ZNF266: variants seen among roughly 807,000 people sequenced by gnomAD.
The protein encoded by ZNF266 is zinc finger protein 1.
A neutral mutation model predicts 16.4 loss-of-function variants in ZNF266; 16 were observed. The ratio of observed to expected loss-of-function variants is 0.98; its 90% CI spans 0.66 to 1.48. The LOEUF is 1.48. ZNF266 is among the 40% of genes most tolerant of loss of function. The pLI, the probability that ZNF266 is intolerant of heterozygous loss-of-function variation, is 0.00. For synonymous variants in ZNF266, 262 were observed against 237.9 expected (o/e 1.10, Z -0.93); for missense variants, 738 against 689.1 (o/e 1.07, Z -0.79).
Position 9,414,252 on chromosome 19 carries a change from C to T in ZNF266, c.874G>A (p.Ala292Thr). The change falls in exon 11 of 11, where the codon GCA becomes ACA. Residue 292 changes from alanine (A) to threonine (T), a missense_variant. Coordinates refer to ENST00000592904, the MANE Select transcript of ZNF266 (RefSeq NM_001370374.1). The part of the protein sequence containing the change: ...KECGKGFRYS[A>T]YLNIHMGTHT... ...GTTCCCATGTGAATATTAAGGTATG[C>T]AGAATATCTAAATCCTTTTCCACAT... The T allele has an allele frequency of 6.2e-7, 1 of 1,614,108 alleles. No homozygotes were observed.
rs763855195 is a variant in ZNF266, at chr19:9,414,456, CA to C, written c.669del (p.Phe223LeufsTer20). The C allele has an allele frequency of 1.0e-4, 167 of 1,614,156 alleles. No homozygotes were observed. The South Asian group carries it at 1.7e-3, about 17-fold the overall frequency. ...AAGGATTTCCCAGAGTCACTGCAAT[CA>C]AAAGCTTTCTCTCCTGTGCACGTTC... ...CQRTCTGEKA[F>X]DCSDSGKSFI... On this transcript the variant is annotated frameshift_variant, in exon 11 of 11. Transcript: ENST00000592904. LOFTEE classifies it low-confidence loss of function (END_TRUNC).
chr19:9,428,461 C>T (rs1310806300), intron 5 of ZNF266, among the ~76,000 whole-genome samples: 1 of 152,212 alleles, frequency 6.6e-6, no homozygotes, highest in Non-Finnish European at 1.5e-5. Flanking sequence ...TAAGTGAACA[C>T]TAATGGGAGT....
chr19:9,423,237 C>T (rs1029811984), intron 5 of ZNF266, among the ~76,000 whole-genome samples: 1 of 152,200 alleles, frequency 6.6e-6, no homozygotes, highest in East Asian at 1.9e-4. Context: ...CAATACAGCA[C>T]CATTCCTTAG....
intron 6 of ZNF266, chr19:9,419,773 C>T (rs189319150): frequency 8.5e-5 from 13 of 152,148 alleles, no homozygotes; most frequent in Admixed American, 1.3e-4. Flanking sequence ...TGGTGGCACA[C>T]GCCTGTAATC....
At position 9,414,277 on chromosome 19, in the gene ZNF266, T is replaced by C; in HGVS notation, c.849A>G (p.Glu283=). The C allele has an allele frequency of 1.2e-6, 2 of 1,614,214 alleles. No individual in the cohort carries two copies. The highest frequency in any genetic ancestry group is 1.7e-6 in the Non-Finnish European group (2 of 1,180,034). The stretch of plus-strand genomic sequence containing the variant: ...CAGAATATCTAAATCCTTTTCCACA[T>C]TCCTTACATTTGTAGGGTTTTTCTG... ...HRSEKPYKCK[E]CGKGFRYSAY... The change falls in exon 11 of 11, where the codon GAA becomes GAG. Residue 283 remains glutamate, a synonymous_variant. Transcript: ENST00000592904.
rs746641147 is a variant in ZNF266 at position 9,413,383 on chromosome 19, G to A, written c.1743C>T (p.His581=). Residue 581 remains histidine, a synonymous_variant, in exon 11 of 11, where the codon CAC becomes CAT. Coordinates refer to ENST00000592904, the MANE Select transcript of ZNF266 (RefSeq NM_001370374.1). ...TACATTCATAGGGTTTCTCTCCAGT[G>A]TGAGTTCGTTCATGTAACTGAAACG... ...SNSFQLHERT[H]TGEKPYECKE... is the part of the protein sequence containing the mutation. 9 of 1,614,102 alleles carry A rather than the reference G, an allele frequency of 5.6e-6. No individual in the cohort carries two copies. The highest frequency in any genetic ancestry group is 1.7e-5 in the Admixed American group (1 of 60,002).
rs772182816 is a variant in ZNF266, at chr19:9,413,991, T to G, written c.1135A>C (p.Thr379Pro). The G allele has an allele frequency of 6.2e-7, 1 of 1,614,202 alleles. No individual in the cohort carries two copies. Among genetic ancestry groups the G allele is most frequent in the East Asian group, 2.2e-5 (1 of 44,888 alleles). ...GIAFTRSSQL[T>P]EHLKTHTAKD... Reference sequence around the variant, plus strand: ...GCAGTGTGAGTTTTTAAATGTTCAGTAAGTTGAGAAGATCTAGTGAAGGCT... The same window carrying G: ...GCAGTGTGAGTTTTTAAATGTTCAGGAAGTTGAGAAGATCTAGTGAAGGCT... Residue 379 changes from threonine to proline, a missense_variant, in exon 11 of 11, where the codon ACT (threonine) becomes CCT (proline). Transcript: ENST00000592904.
intron 5 of ZNF266, among the ~76,000 whole-genome samples, chr19:9,428,180 CAG>C (rs1324453589): frequency 6.6e-6 from 1 of 152,174 alleles, no homozygotes; most frequent in Non-Finnish European, 1.5e-5. Flanking sequence ...CTCCTGGAAA[CAG>C]AGGATCTCAC....
At chr19:9,424,240 AAG>A (rs2070385970) in intron 5 of ZNF266, among the ~76,000 whole-genome samples, 1 of 151,156 alleles carries the variant, frequency 6.6e-6, no homozygotes, top group Non-Finnish European at 1.5e-5. Flanking sequence ...AAAAAAAAAA[AAG>A]AAAAAAGTTA....
Position 9,420,144 on chromosome 19 carries a change from A to C in ZNF266, c.-55T>G, listed in dbSNP as rs1280017459. ...AAAGCACCTTTCCTTTACTCCAAGG[A>C]TCACTCCAGGACAGCTTAGGAATCT... On this transcript the variant is annotated 5_prime_UTR_variant, in exon 6 of 11. Coordinates refer to ENST00000592904, the MANE Select transcript of ZNF266 (RefSeq NM_001370374.1). 6.6e-6 allele frequency: 1 copy of C among 151,746 alleles called. No individual in the cohort carries two copies. The highest frequency in any genetic ancestry group is 1.5e-5 in the Non-Finnish European group (1 of 67,890). The allele number at this position is 151,746 out of a possible 1,614,324, so 9.4% of individuals were successfully genotyped here. A position where few individuals can be genotyped will look rare whatever the true frequency, so the allele number is the denominator to read the frequency against.
chr19:9,430,760 C>T (rs2123449597), intron 5 of ZNF266, among the ~76,000 whole-genome samples: 1 of 152,288 alleles, frequency 6.6e-6, no homozygotes, highest in African/African-American at 2.4e-5. Context: ...CAACATCAGT[C>T]ATGTAAATCA....
chr19:9,416,663 CTTTTTTTTTTTT>C (rs368700653), intron 9 of ZNF266, among the ~76,000 whole-genome samples: 2 of 56,946 alleles, frequency 3.5e-5, no homozygotes, highest in African/African-American at 7.5e-5. Flanking sequence ...CGTGCCAGGC[CTTTTTTTTTTTT>C]TTTTTTTTTT....
At chr19:9,424,229 A>AGC (rs2070380943) in intron 5 of ZNF266, among the ~76,000 whole-genome samples, 1 of 142,670 alleles carries the variant, frequency 7.0e-6, no homozygotes, top group Non-Finnish European at 1.5e-5. Flanking sequence ...GCAAAAAAAA[A>AGC]AAAAAAAAAA....
At chr19:9,422,536 T>C (rs1476751116) in intron 5 of ZNF266, among the ~76,000 whole-genome samples, 1 of 152,188 alleles carries the variant, frequency 6.6e-6, no homozygotes, top group African/African-American at 2.4e-5. Context: ...CAAAGACTGG[T>C]TTCCCCTGGC....
intron 5 of ZNF266, among the ~76,000 whole-genome samples, chr19:9,425,827 A>C (rs1258498312): frequency 6.6e-6 from 1 of 152,160 alleles, no homozygotes; most frequent in Non-Finnish European, 1.5e-5. Flanking sequence ...CACTTCCCCA[A>C]ATAGGAACTG....
Position 9,412,888 on chromosome 19 carries a change from T to C in ZNF266, c.*387A>G, listed in dbSNP as rs570274019. On this transcript the variant is annotated 3_prime_UTR_variant, in exon 11 of 11. Transcript: ENST00000592904. ...AAAACCCTATGTCCAAATACAGTTA[T>C]AGTGTAAGGAACTAGGACTTAGGGC... 1.6e-5 allele frequency: 3 copies of C among 190,192 alleles called. No homozygotes were observed. The highest frequency in any genetic ancestry group is 2.4e-5 in the African/African-American group (1 of 42,412). 11.8% of individuals were successfully genotyped at this position (190,192 alleles called of 1,614,324 possible). A position where few individuals can be genotyped will look rare whatever the true frequency, so the allele number is the denominator to read the frequency against.
intron 9 of ZNF266, 55 bp from the exon 10 acceptor site, chr19:9,415,797 G>A: frequency 7.0e-7 from 1 of 1,436,128 alleles, no homozygotes; most frequent in Non-Finnish European, 9.7e-7. Flanking sequence ...GACAGATGGA[G>A]CTGAAAATGA....
intron 5 of ZNF266, among the ~76,000 whole-genome samples, chr19:9,428,321 G>A (rs1483093032): frequency 1.3e-5 from 2 of 152,148 alleles, no homozygotes; most frequent in Non-Finnish European, 2.9e-5. Context: ...CAGGCCCTTG[G>A]GTCTAATCCA....
At position 9,413,266 on chromosome 19, in the gene ZNF266, C is replaced by T. The variant is rs1447829942; in HGVS notation, c.*9G>A. 1 of 1,561,308 alleles carries T rather than the reference C, an allele frequency of 6.4e-7. No homozygotes were observed. The highest frequency in any genetic ancestry group is 8.7e-7 in the Non-Finnish European group (1 of 1,155,148). ...AGAACAGGGACACCTTTAGGTTTTCCCACATTCCTTATGCTGACAGTCTCT... is the reference window on the plus strand; with the variant it reads ...AGAACAGGGACACCTTTAGGTTTTCTCACATTCCTTATGCTGACAGTCTCT... On this transcript the variant is annotated 3_prime_UTR_variant, in exon 11 of 11. Coordinates refer to ENST00000592904, the MANE Select transcript of ZNF266 (RefSeq NM_001370374.1).
Sources: gnomAD v4.1 joint callset for allele counts (sites outside exome capture counted in the v4.1 genomes callset) on GRCh38, gnomAD v4.1.1 for gene constraint, MANE v1.5 for transcripts, NCBI Gene and HGNC (gene_info 2026-07-23, HGNC 2026-07-21) for gene names.